MAGI1: variants seen among roughly 807,000 people sequenced by gnomAD.
The protein encoded by MAGI1 is membrane-associated guanylate kinase, WW and PDZ domain-containing protein 1.
MAGI1 carries 58 observed loss-of-function variants against 139.9 expected under a neutral mutation model. The ratio of observed to expected loss-of-function variants is 0.41; its 90% CI spans 0.34 to 0.52. The LOEUF (loss-of-function observed/expected upper bound fraction) is 0.52. Ranked by LOEUF, MAGI1 falls within the 20% of genes least tolerant of loss-of-function variation. MAGI1 has a pLI of 0.12. For missense variants in MAGI1, 1,874 were observed against 1,901.6 expected (o/e 0.99, Z 0.27); for synonymous variants, 812 against 737.9 (o/e 1.10, Z -1.63).
intron 1 of MAGI1, among the ~76,000 whole-genome samples, chr3:65,783,948 C>A (rs2039163147): frequency 6.6e-6 from 1 of 151,854 alleles, no homozygotes; most frequent in East Asian, 1.9e-4. Context: ...CACAGTGAAA[C>A]CCCATCTCTA....
At position 65,391,266 on chromosome 3, in the gene MAGI1, T is replaced by C. The variant is rs780266409; in HGVS notation, c.2292A>G (p.Thr764=). 2 of 1,614,182 alleles carry C rather than the reference T, an allele frequency of 1.2e-6. No homozygotes were observed. The highest frequency in any genetic ancestry group is 2.2e-5 in the East Asian group (1 of 44,872). The change falls in exon 14 of 23, where the codon ACA becomes ACG. Residue 764 remains threonine, a synonymous_variant. Transcript: ENST00000402939. ...SLHTASPSHS[T]QVLPEFPPAE... ...CAGGTGGGAACTCGGGGAGCACCTG[T>C]GTGCTGTGGCTTGGGGATGCTGTGT...
At chr3:65,875,601 G>A (rs2060086277) in intron 1 of MAGI1, among the ~76,000 whole-genome samples, 1 of 152,150 alleles carries the variant, frequency 6.6e-6, no homozygotes, top group Admixed American at 6.5e-5. Context: ...TCAGCCCCAT[G>A]ACCTTGGTAA....
chr3:65,823,363 G>T (rs996269623), intron 1 of MAGI1, among the ~76,000 whole-genome samples: 3 of 151,252 alleles, frequency 2.0e-5, no homozygotes, highest in Non-Finnish European at 4.4e-5. Flanking sequence ...CAAAAGCAGG[G>T]ATGTTAGCTA....
chr3:65,576,656 G>C (rs1230473409), intron 2 of MAGI1, among the ~76,000 whole-genome samples: 1 of 152,148 alleles, frequency 6.6e-6, no homozygotes, highest in Non-Finnish European at 1.5e-5. Flanking sequence ...TTGCATTTAA[G>C]TAACGGTTTC....
At chr3:65,950,674 C>G (rs556608630) in intron 1 of MAGI1, among the ~76,000 whole-genome samples, 1 of 152,274 alleles carries the variant, frequency 6.6e-6, no homozygotes, top group East Asian at 1.9e-4. Flanking sequence ...GTAAATCCCT[C>G]TTCAACTGGT....
chr3:65,493,404 T>C (rs1952198471), intron 3 of MAGI1, 108 bp downstream of exon 3: 3 of 1,314,388 alleles, frequency 2.3e-6, no homozygotes. Context: ...AATCTCCTGT[T>C]ATTTGTTTAG....
intron 1 of MAGI1, among the ~76,000 whole-genome samples, chr3:65,654,550 G>A (rs1046457389): frequency 6.6e-6 from 1 of 152,018 alleles, no homozygotes; most frequent in Non-Finnish European, 1.5e-5. Context: ...AATATTAAAA[G>A]CTTCAAATTC....
intron 1 of MAGI1, among the ~76,000 whole-genome samples, chr3:65,845,134 C>G (rs564841023): frequency 4.0e-5 from 6 of 151,860 alleles, no homozygotes; most frequent in African/African-American, 1.4e-4. Context: ...GCCTGTAGTC[C>G]CAGCTATTCA....
intron 1 of MAGI1, among the ~76,000 whole-genome samples, chr3:65,788,269 TCC>T (rs2039529100): frequency 6.6e-6 from 1 of 152,218 alleles, no homozygotes; most frequent in Admixed American, 6.5e-5. Flanking sequence ...CACACAATGA[TCC>T]CACACGCTTT....
chr3:65,999,354 G>A (rs763993255), intron 1 of MAGI1, among the ~76,000 whole-genome samples: 4 of 152,086 alleles, frequency 2.6e-5, no homozygotes, highest in Admixed American at 1.3e-4. Context: ...AAATCTGGGA[G>A]CAATATGCTT....
At chr3:65,823,687 G>A (rs2108264357) in intron 1 of MAGI1, among the ~76,000 whole-genome samples, 1 of 152,214 alleles carries the variant, frequency 6.6e-6, no homozygotes, top group East Asian at 1.9e-4. Flanking sequence ...TTTATGAGAA[G>A]GCAATAAAAC....
intron 1 of MAGI1, among the ~76,000 whole-genome samples, chr3:65,733,652 A>C (rs2034419094): frequency 6.6e-6 from 1 of 152,222 alleles, no homozygotes; most frequent in Non-Finnish European, 1.5e-5. Flanking sequence ...GGTAATTTGA[A>C]GACCGTTTAA....
At chr3:65,464,605 C>A (rs1395810776) in intron 5 of MAGI1, among the ~76,000 whole-genome samples, 1 of 152,134 alleles carries the variant, frequency 6.6e-6, no homozygotes, top group South Asian at 2.1e-4. Context: ...TTTCGATTAA[C>A]ATTTACAAGA....
At chr3:65,673,916 G>T (rs1262205235) in intron 1 of MAGI1, among the ~76,000 whole-genome samples, 1 of 152,140 alleles carries the variant, frequency 6.6e-6, no homozygotes, top group African/African-American at 2.4e-5. Flanking sequence ...GCTAAATGGA[G>T]GAATGCCTTC....
chr3:65,566,774 C>A lies in MAGI1; in HGVS notation c.430+55198G>T, dbSNP rs367837063. Reference sequence around the variant, plus strand: ...TGAAAGCAGACAAAACTGGCAGGACCTCTGAGATGTCAGAAGAGGCCCAGG... The same window carrying A: ...TGAAAGCAGACAAAACTGGCAGGACATCTGAGATGTCAGAAGAGGCCCAGG... On this transcript the variant is annotated intron_variant, in intron 2 of 22. Transcript: ENST00000402939. 1.9e-4 allele frequency among the ~76,000 whole-genome samples: 29 copies of A among 152,206 alleles called. No homozygotes were observed. The East Asian group carries it at 3.5e-3, about 18-fold the overall frequency.
rs752329892 is a variant in MAGI1, at chr3:65,691,302, C to CAAAAAAAAAAA, written c.314-69225_314-69215dup. 2.8e-4 allele frequency among the ~76,000 whole-genome samples: 21 copies of CAAAAAAAAAAA among 74,704 alleles called. No homozygotes were observed. In the East Asian group the frequency reaches 3.6e-3, roughly 13 times the overall value. 49.0% of individuals were successfully genotyped at this position (74,704 alleles called of 152,430 possible). ...TGGGCGACAGAGCAAGACTCCGTCT[C>CAAAAAAAAAAA]AAAAAAAAAAAAAGAAAAGAAAAAG... On this transcript the variant is annotated intron_variant, in intron 1 of 22. Transcript: ENST00000402939.
chr3:65,717,204 A>T (rs56218975), intron 1 of MAGI1, among the ~76,000 whole-genome samples: 1 of 152,082 alleles, frequency 6.6e-6, no homozygotes, highest in Non-Finnish European at 1.5e-5. Context: ...TAGGACAAAC[A>T]ACCGAAAAGT....
chr3:65,910,143 C>T (rs1034141351), intron 1 of MAGI1, among the ~76,000 whole-genome samples: 2 of 152,176 alleles, frequency 1.3e-5, no homozygotes, highest in Non-Finnish European at 2.9e-5. Flanking sequence ...GGGTTGGGGA[C>T]CCCTCATCTA....
intron 1 of MAGI1, among the ~76,000 whole-genome samples, chr3:65,892,450 T>C (rs1226246719): frequency 6.6e-6 from 1 of 152,232 alleles, no homozygotes; most frequent in African/African-American, 2.4e-5. Context: ...TTTTATTAAG[T>C]GGCATACCAA....
Sources: gnomAD v4.1 joint callset for allele counts (sites outside exome capture counted in the v4.1 genomes callset) on GRCh38, gnomAD v4.1.1 for gene constraint, MANE v1.5 for transcripts, NCBI Gene and HGNC (gene_info 2026-07-23, HGNC 2026-07-21) for gene names.